Variants in CNTN2 observed in about 807,000 individuals in gnomAD.
The protein encoded by CNTN2 is contactin 2.
Under a neutral mutation model 117.5 loss-of-function variants are expected in CNTN2, and 53 were observed. The ratio of observed to expected loss-of-function variants is 0.45; its 90% CI spans 0.36 to 0.57. The LOEUF is 0.57. Ranked by LOEUF, CNTN2 falls within the 20% of genes least tolerant of loss-of-function variation. The pLI is 0.00. For missense variants in CNTN2, 1,106 were observed against 1,404.3 expected (o/e 0.79, Z 3.39); for synonymous variants, 530 against 561.7 (o/e 0.94, Z 0.80).
chr1:205,043,749 C>A (rs1223573193), intron 1 of CNTN2, among the ~76,000 whole-genome samples: 1 of 152,148 alleles, frequency 6.6e-6, no homozygotes, highest in South Asian at 2.1e-4. Flanking sequence ...GGCACCCGGT[C>A]CAGGACAGGA....
intron 2 of CNTN2, among the ~76,000 whole-genome samples, chr1:205,053,665 C>T (rs1215294458): frequency 2.0e-5 from 3 of 152,314 alleles, no homozygotes; most frequent in Non-Finnish European, 4.4e-5. Flanking sequence ...TCCTCAGGTG[C>T]ACTAGCCACA....
chr1:205,064,556 C>T, intron 11 of CNTN2, 67 bp from the exon 12 acceptor site: 2 of 1,600,660 alleles, frequency 1.2e-6, no homozygotes, highest in Admixed American at 1.7e-5. Context: ...ACAACAGTCA[C>T]AGGAGTTGGC....
chr1:205,057,175 G>C (rs1314234413), intron 2 of CNTN2: 1 of 152,236 alleles, frequency 6.6e-6, no homozygotes, highest in Non-Finnish European at 1.5e-5. Context: ...TGCAGACCCT[G>C]GGAGGTGAAC....
intron 9 of CNTN2, 103 bp downstream of exon 9, chr1:205,062,104 G>A (rs1268531666): frequency 1.4e-6 from 2 of 1,424,178 alleles, no homozygotes; most frequent in South Asian, 1.3e-5. Flanking sequence ...AGCCCCTCTG[G>A]GCTAATTAGG....
chr1:205,070,716 G>A, intron 19 of CNTN2, 178 bp downstream of exon 19: 1 of 523,156 alleles, frequency 1.9e-6, no homozygotes. Context: ...CCCATGGCAG[G>A]CCAGGCGCGG....
rs1653849165 is a variant in CNTN2, at chr1:205,059,423, A to G, written c.697+130A>G. 1.9e-5 allele frequency: 22 copies of G among 1,157,916 alleles called. No homozygotes were observed. The South Asian group carries it at 2.9e-4, about 15-fold the overall frequency. The allele number at this position is 1,157,916 out of a possible 1,614,324, so 71.7% of individuals were successfully genotyped here. A position where few individuals can be genotyped will look rare whatever the true frequency, so the allele number is the denominator to read the frequency against. The stretch of plus-strand genomic sequence containing the variant: ...CTGATTCCAGGCCCTGGACCCCCAG[A>G]TCCTCCTGCTTCAAATCCTGAGGCC... On this transcript the variant is annotated intron_variant, in intron 6 of 22. Transcript: ENST00000331830. This position sits in a 1 kb window ranked among gnomAD's most constrained non-coding sequence, Gnocchi z 5.6.
In CNTN2 at chr1:205,070,010, C is replaced by T. The variant is rs771474325; in HGVS notation, c.2380C>T (p.Arg794Cys). The T allele has an allele frequency of 3.0e-5, 48 of 1,613,744 alleles. No individual in the cohort carries two copies. The highest frequency in any genetic ancestry group is 4.5e-5 in the East Asian group (2 of 44,894). Residue 794 changes from arginine (R) to cysteine (C), a missense_variant, in exon 18 of 23, where the codon CGC becomes TGC. Coordinates refer to ENST00000331830, the MANE Select transcript of CNTN2 (RefSeq NM_005076.5). ...FEVKIRSYNR[R>C]GDGPESLTAL... ...GGTCAAGATCCGCAGCTACAACCGC[C>T]GCGGGGATGGGCCCGAGAGCCTCAC...
intron 1 of CNTN2, among the ~76,000 whole-genome samples, chr1:205,049,685 C>T (rs568094810): frequency 1.3e-5 from 2 of 152,324 alleles, no homozygotes; most frequent in East Asian, 3.9e-4. Context: ...AGCTCCCGGG[C>T]CTGACAGGCT....
intron 1 of CNTN2, among the ~76,000 whole-genome samples, chr1:205,045,293 G>A (rs545421112): frequency 2.0e-5 from 3 of 151,922 alleles, no homozygotes; most frequent in East Asian, 1.9e-4. Context: ...TCAGCCTCCC[G>A]CCGCCACCAT....
In CNTN2 at chr1:205,075,992, T is replaced by A. The variant is rs1654846078; in HGVS notation, c.*2227T>A. The A allele has an allele frequency of 6.6e-6, 1 of 152,196 alleles. No homozygotes were observed. The highest frequency in any genetic ancestry group is 1.9e-4 in the East Asian group (1 of 5,190). The allele number at this position is 152,196 out of a possible 1,614,324, so 9.4% of individuals were successfully genotyped here. ...AAGCAGGGGACAGGTGTCCAGTTGCTGGGCCGAGGGAGGAGCTGGTTTGGC... is the reference window on the plus strand; with the variant it reads ...AAGCAGGGGACAGGTGTCCAGTTGCAGGGCCGAGGGAGGAGCTGGTTTGGC... On this transcript the variant is annotated 3_prime_UTR_variant, in exon 23 of 23. Coordinates refer to ENST00000331830, the MANE Select transcript of CNTN2 (RefSeq NM_005076.5).
chr1:205,047,040 G>C (rs552123597), intron 1 of CNTN2, among the ~76,000 whole-genome samples: 1 of 152,314 alleles, frequency 6.6e-6, no homozygotes, highest in South Asian at 2.1e-4. Context: ...ATGAGCCTGG[G>C]AGCCACAGCT....
At chr1:205,070,361 G>C in intron 18 of CNTN2, 65 bp from the exon 19 acceptor site, 1 of 1,150,564 alleles carries the variant, frequency 8.7e-7, no homozygotes, top group East Asian at 2.5e-5. Flanking sequence ...AATCCTGGTT[G>C]GGGGCTGCTC....
chr1:205,074,323 T>C lies in CNTN2; in HGVS notation c.*558T>C. ...TCCCCGATAACTCCCTAGGGGCTCCTGCCTGCCCAAGCGGCTGAGAACCAG... is the reference window on the plus strand; with the variant it reads ...TCCCCGATAACTCCCTAGGGGCTCCCGCCTGCCCAAGCGGCTGAGAACCAG... On this transcript the variant is annotated 3_prime_UTR_variant, in exon 23 of 23. Transcript: ENST00000331830. The C allele has an allele frequency of 5.0e-6, 2 of 400,456 alleles. No homozygotes were observed. 24.8% of individuals were successfully genotyped at this position (400,456 alleles called of 1,614,324 possible). A position where few individuals can be genotyped will look rare whatever the true frequency, so the allele number is the denominator to read the frequency against.
intron 1 of CNTN2, among the ~76,000 whole-genome samples, chr1:205,044,007 C>G (rs180924955): frequency 5.9e-5 from 9 of 152,246 alleles, no homozygotes; most frequent in African/African-American, 2.2e-4. Context: ...CCAGTCACAT[C>G]CCAAAGGGCG....
chr1:205,049,281 GACACACACACACACACAC>G lies in CNTN2; in HGVS notation c.-86-3791_-86-3774del, dbSNP rs3835569. Among the ~76,000 whole-genome samples the G allele has an allele frequency of 5.0e-5, 6 of 120,732 alleles. No homozygotes were observed. The South Asian group carries it at 8.9e-4, about 18-fold the overall frequency. The allele number at this position is 120,732 out of a possible 152,430, so 79.2% of individuals were successfully genotyped here. On this transcript the variant is annotated intron_variant, in intron 1 of 22. Coordinates refer to ENST00000331830, the MANE Select transcript of CNTN2 (RefSeq NM_005076.5). Reference sequence around the variant, plus strand: ...GGCAAGGGGCTGAGTCCTCACACCCGACACACACACACACACACACACACACACACACACACACACACA... The same window carrying G: ...GGCAAGGGGCTGAGTCCTCACACCCGACACACACACACACACACACACACA...
chr1:205,051,080 GC>G (rs1163862730), intron 1 of CNTN2, among the ~76,000 whole-genome samples: 7 of 152,240 alleles, frequency 4.6e-5, no homozygotes, highest in Non-Finnish European at 1.5e-5. Context: ...CATCATGTGT[GC>G]CCACGCATGT....
rs1654700066 is a variant in CNTN2, at chr1:205,073,441, A to AAGGGCGC, written c.3013+210_3014-204dup. The stretch of plus-strand genomic sequence containing the variant: ...CCCAGAACATCCCCGAGGGCCAGGG[A>AAGGGCGC]AGGGCGCAGGGTGCAGGGGGAGGCT... On this transcript the variant is annotated intron_variant, in intron 22 of 22. Coordinates refer to ENST00000331830, the MANE Select transcript of CNTN2 (RefSeq NM_005076.5). The surrounding 1 kb of genome is among the most constrained non-coding windows in gnomAD (Gnocchi z 6.3). 8 of 767,708 alleles carry AAGGGCGC rather than the reference A, an allele frequency of 1.0e-5. No homozygotes were observed. In the East Asian group the frequency reaches 1.9e-4, roughly 18 times the overall value. 47.6% of individuals were successfully genotyped at this position (767,708 alleles called of 1,614,324 possible).
chr1:205,043,530 G>C (rs1031244539), intron 1 of CNTN2, 136 bp downstream of exon 1: 6 of 152,562 alleles, frequency 3.9e-5, no homozygotes, highest in African/African-American at 1.4e-4. Context: ...ACACTGGCAG[G>C]CTGGGGCCGT....
intron 15 of CNTN2, among the ~76,000 whole-genome samples, chr1:205,066,876 C>A (rs933763086): frequency 2.6e-5 from 4 of 151,730 alleles, no homozygotes; most frequent in Non-Finnish European, 4.4e-5. Context: ...TGAAAATATT[C>A]ATGGGGACAT....
Sources: allele counts gnomAD v4.1 joint callset (sites outside exome capture counted in the v4.1 genomes callset), GRCh38; gene constraint gnomAD v4.1.1; non-coding constraint Gnocchi (gnomAD v3.1); transcripts MANE v1.5; gene names NCBI Gene and HGNC (gene_info 2026-07-23, HGNC 2026-07-21).